Variants in DDX60 observed in about 807,000 individuals in gnomAD.
DDX60 encodes probable ATP-dependent RNA helicase DDX60.
DDX60 carries 165 observed loss-of-function variants against 212.8 expected under a neutral mutation model. The ratio of observed to expected loss-of-function variants is 0.78; its 90% CI spans 0.68 to 0.88. The LOEUF is 0.88. DDX60 is among the 40% of genes least tolerant of loss of function. The pLI is 0.00. For synonymous variants in DDX60, 703 were observed against 685.3 expected (o/e 1.03, Z -0.40); for missense variants, 1,905 against 2,003.9 (o/e 0.95, Z 0.94).
intron 20 of DDX60, among the ~76,000 whole-genome samples, chr4:168,268,365 A>G (rs1394527225): frequency 6.6e-6 from 1 of 152,174 alleles, no homozygotes; most frequent in Non-Finnish European, 1.5e-5. Context: ...GATTGTTATT[A>G]GTAAATAAAT....
chr4:168,322,828 G>C (rs1188315919), upstream of DDX60, among the ~76,000 whole-genome samples: 1 of 152,200 alleles, frequency 6.6e-6, no homozygotes, highest in Non-Finnish European at 1.5e-5. Flanking sequence ...TGGAACTCAG[G>C]AGCAAAGTGA....
At chr4:168,227,107 C>T (rs1276695898) in intron 33 of DDX60, among the ~76,000 whole-genome samples, 1 of 151,874 alleles carries the variant, frequency 6.6e-6, no homozygotes, top group Non-Finnish European at 1.5e-5. Flanking sequence ...TTAAGATATA[C>T]AAACTGGTGT....
intron 6 of DDX60, among the ~76,000 whole-genome samples, chr4:168,294,203 T>C (rs1736241134): frequency 6.6e-6 from 1 of 152,068 alleles, no homozygotes; most frequent in South Asian, 2.1e-4. Context: ...GCTCACTGTA[T>C]AACAAGAGAA....
intron 37 of DDX60, among the ~76,000 whole-genome samples, chr4:168,217,533 C>G (rs1732891586): frequency 6.6e-6 from 1 of 152,166 alleles, no homozygotes; most frequent in African/African-American, 2.4e-5. Context: ...ATCATATATT[C>G]CCCAGAAACC....
At chr4:168,241,921 C>A (rs2064767866) in intron 30 of DDX60, among the ~76,000 whole-genome samples, 1 of 152,086 alleles carries the variant, frequency 6.6e-6, no homozygotes, top group Admixed American at 6.6e-5. Context: ...GGAAAAAAAA[C>A]TGGTTTCCTG....
At chr4:168,293,033 G>T (rs1221762913) in intron 7 of DDX60, among the ~76,000 whole-genome samples, 1 of 152,160 alleles carries the variant, frequency 6.6e-6, no homozygotes, top group Admixed American at 6.5e-5. Flanking sequence ...GAAACCTTCA[G>T]CCAAGAATCC....
chr4:168,272,333 T>A (rs1735138761), intron 18 of DDX60, among the ~76,000 whole-genome samples, 195 bp from the exon 19 acceptor site: 1 of 152,238 alleles, frequency 6.6e-6, no homozygotes, highest in East Asian at 1.9e-4. Context: ...ACTGAAATTT[T>A]GTTAGGCCAA....
chr4:168,256,499 T>C (rs1043868015), intron 25 of DDX60, among the ~76,000 whole-genome samples: 3 of 152,116 alleles, frequency 2.0e-5, no homozygotes, highest in African/African-American at 7.2e-5. Flanking sequence ...AGCAACCTGG[T>C]CTAGGTTGGC....
chr4:168,304,626 G>A (rs553650608), intron 5 of DDX60, among the ~76,000 whole-genome samples: 97 of 152,144 alleles, frequency 6.4e-4, no homozygotes, highest in Admixed American at 3.4e-3. Context: ...ACTTGAGCCC[G>A]AGACGTGGAA....
chr4:168,304,718 GA>G (rs1403412767), intron 5 of DDX60, among the ~76,000 whole-genome samples: 1 of 151,772 alleles, frequency 6.6e-6, no homozygotes, highest in African/African-American at 2.4e-5. Context: ...AATAAAGAAG[GA>G]AAATATTTTT....
chr4:168,235,513 T>C lies in DDX60; in HGVS notation c.4533+739A>G, dbSNP rs557359593. 1.3e-3 allele frequency among the ~76,000 whole-genome samples: 197 copies of C among 152,244 alleles called. 1 individual carries two copies. The highest frequency in any genetic ancestry group is 4.5e-3 in the African/African-American group (187 of 41,570). ...GAAAAGTGTAAAGATGATAGGTCAA[T>C]GACTAAAATTGTGTTCACTGCTCTA... On this transcript the variant is annotated intron_variant, in intron 33 of 37. Transcript: ENST00000393743.
chr4:168,286,998 C>A (rs1735889550), intron 10 of DDX60, 50 bp downstream of exon 10: 1 of 1,463,034 alleles, frequency 6.8e-7, no homozygotes, highest in Non-Finnish European at 9.3e-7. Flanking sequence ...TTCCTAAACA[C>A]TTTCAGAGGA....
At chr4:168,284,729 AATTT>A in intron 12 of DDX60, 87 bp downstream of exon 12, 1 of 604,128 alleles carries the variant, frequency 1.7e-6, no homozygotes, top group Non-Finnish European at 2.7e-6. Context: ...AAAAAAATTT[AATTT>A]GTGTCTTATG....
intron 26 of DDX60, among the ~76,000 whole-genome samples, chr4:168,255,204 T>C (rs1734356662): frequency 6.6e-6 from 1 of 152,136 alleles, no homozygotes; most frequent in Non-Finnish European, 1.5e-5. Flanking sequence ...GAATTAGACA[T>C]TGAGAGCAAG....
At chr4:168,275,941 G>T in intron 15 of DDX60, 74 bp downstream of exon 15, 37 of 1,241,126 alleles carry the variant, frequency 3.0e-5, no homozygotes, top group South Asian at 4.2e-5. Flanking sequence ...TGGAAGAGAT[G>T]ACTATCTTTG....
At chr4:168,312,933 G>A (rs563218665) in intron 1 of DDX60, among the ~76,000 whole-genome samples, 12 of 152,256 alleles carry the variant, frequency 7.9e-5, no homozygotes, top group South Asian at 4.1e-4. Flanking sequence ...AGACACGAGC[G>A]TAAGTATGGT....
At chr4:168,221,948 G>A in intron 35 of DDX60, 67 bp from the exon 36 acceptor site, 2 of 1,483,028 alleles carry the variant, frequency 1.3e-6, no homozygotes, top group African/African-American at 1.4e-5. Context: ...TTCTTATGTG[G>A]TGCTTTGTAG....
intron 22 of DDX60, among the ~76,000 whole-genome samples, chr4:168,266,082 C>G (rs1410494942): frequency 6.6e-6 from 1 of 152,118 alleles, no homozygotes; most frequent in Non-Finnish European, 1.5e-5. Context: ...TAGAAAATTA[C>G]CATCAGCCAG....
At chr4:168,219,598 G>A (rs1280078202) in intron 37 of DDX60, among the ~76,000 whole-genome samples, 6 of 152,116 alleles carry the variant, frequency 3.9e-5, no homozygotes, top group Non-Finnish European at 7.4e-5. Context: ...GGCCGATTCT[G>A]CTCAGATCCA....
Sources: allele counts gnomAD v4.1 joint callset (sites outside exome capture counted in the v4.1 genomes callset), GRCh38; gene constraint gnomAD v4.1.1; transcripts MANE v1.5; gene names NCBI Gene and HGNC (gene_info 2026-07-23, HGNC 2026-07-21).